The following RYR1 variants were observed in gnomAD, a reference collection of about 807,000 sequenced individuals.
RYR1 encodes the protein central core disease of muscle.
In RYR1, 342 loss-of-function variants were observed where a neutral mutation model predicts 583.5. The ratio of observed to expected loss-of-function variants is 0.59; its 90% CI spans 0.54 to 0.64. RYR1 has a LOEUF of 0.64. RYR1 is among the 30% of genes least tolerant of loss of function. RYR1 has a pLI of 0.00. For missense variants in RYR1, 6,032 were observed against 6,917.2 expected (o/e 0.87, Z 4.54); for synonymous variants, 2,791 against 2,822.5 (o/e 0.99, Z 0.35).
At chr19:38,466,996 C>T (rs941019453) in intron 24 of RYR1, among the ~76,000 whole-genome samples, 12 of 152,144 alleles carry the variant, frequency 7.9e-5, no homozygotes, top group African/African-American at 2.7e-4. Flanking sequence ...TGAGTGCCAA[C>T]CCCACCTTTG....
At position 38,568,199 on chromosome 19, in the gene RYR1, C is replaced by T. The variant is rs1022621918; in HGVS notation, c.13659+282C>T. 3.9e-5 allele frequency among the ~76,000 whole-genome samples: 6 copies of T among 152,348 alleles called. No individual in the cohort carries two copies. The East Asian group carries it at 5.8e-4, about 15-fold the overall frequency. On this transcript the variant is annotated intron_variant, in intron 93 of 105. Coordinates refer to ENST00000359596, the MANE Select transcript of RYR1 (RefSeq NM_000540.3). ...ACCCACCCACACTTCCACCTCCATC[C>T]TCTGTCCAGAGCTACATTCAGTGAG...
intron 63 of RYR1, 73 bp from the exon 64 acceptor site, chr19:38,514,953 A>T: frequency 9.9e-7 from 1 of 1,005,880 alleles, no homozygotes; most frequent in Non-Finnish European, 1.6e-6. Context: ...GGCCTATTTG[A>T]GACAAGGGAG....
chr19:38,454,299 C>G (rs758397856), intron 13 of RYR1, among the ~76,000 whole-genome samples: 1 of 152,258 alleles, frequency 6.6e-6, no homozygotes, highest in South Asian at 2.1e-4. Context: ...CTCCACCTCC[C>G]AAAGAGCTGG....
In RYR1 at chr19:38,448,421, C is replaced by T. The variant is rs1966900746; in HGVS notation, c.867C>T (p.Tyr289=). 3 of 1,613,354 alleles carry T rather than the reference C, an allele frequency of 1.9e-6. No individual in the cohort carries two copies. The highest frequency in any genetic ancestry group is 1.7e-5 in the Admixed American group (1 of 60,004). Residue 289 remains tyrosine, a synonymous_variant, in exon 10 of 106, where the codon TAC becomes TAT. Transcript: ENST00000359596. ...TCCGGCATGTCACTACCGGGCAGTA[C>T]CTAGCGCTCACCGAGGACCAGGGCC... ...LRVRHVTTGQ[Y]LALTEDQGLV...
At position 38,525,331 on chromosome 19, in the gene RYR1, G is replaced by A; in HGVS notation, c.10456-1G>A. 6.2e-7 allele frequency: 1 copy of A among 1,613,982 alleles called. No homozygotes were observed. The highest frequency in any genetic ancestry group is 1.3e-5 in the African/African-American group (1 of 74,994). ...TGGTGCTGAGCCCTGTGTCCCCACA[G>A]TCCGGTGGCTCGGACCAGGAACGCA... On this transcript the variant is annotated splice_acceptor_variant, in intron 70 of 105. Transcript: ENST00000359596. LOFTEE classifies it high-confidence loss of function.
Position 38,460,567 on chromosome 19 carries a change from G to A in RYR1, c.2553G>A (p.Val851=). The change falls in exon 20 of 106, where the codon GTG becomes GTA. Residue 851 remains valine, a synonymous_variant. Transcript: ENST00000359596. ...PSRCLSHTDF[V]PCPVDTVQIV... is the part of the protein sequence containing the mutation. ...GCTGCCTCTCACACACCGACTTCGT[G>A]CCCTGCCCTGTGGACACTGTCCAGG... is the stretch of plus-strand genomic sequence containing the variant. 1 of 1,612,888 alleles carries A rather than the reference G, an allele frequency of 6.2e-7. No homozygotes were observed. The highest frequency in any genetic ancestry group is 8.5e-7 in the Non-Finnish European group (1 of 1,180,036).
intron 39 of RYR1, 70 bp downstream of exon 39, chr19:38,494,695 C>G (rs1032911737): frequency 1.2e-5 from 19 of 1,586,854 alleles, no homozygotes; most frequent in Non-Finnish European, 1.5e-5. Context: ...GATACAATAA[C>G]ATTCCCTTCC....
At position 38,458,301 on chromosome 19, in the gene RYR1, C is replaced by T. The variant is rs573737900; in HGVS notation, c.2167+9C>T. 3.2e-5 allele frequency: 52 copies of T among 1,613,178 alleles called. No homozygotes were observed. In the East Asian group the frequency reaches 9.8e-4, roughly 30 times the overall value. On this transcript the variant is annotated intron_variant, in intron 18 of 105. Transcript: ENST00000359596. ...ACTGCATCTCTGGACAGGTACCTGA[C>T]CCCTTCCAGGGGACCCTCACCCCTG...
chr19:38,473,719 G>T lies in RYR1; in HGVS notation c.4108G>T (p.Ala1370Ser), dbSNP rs766147636. The T allele has an allele frequency of 1.3e-6, 2 of 1,547,656 alleles. No homozygotes were observed. Among genetic ancestry groups the T allele is most frequent in the South Asian group, 2.4e-5 (2 of 83,940 alleles). ...GCAGGCGGGGGGAGAGGCGCAGCCC[G>T]CCAGGGCGGAGAATGAGAAGGATGC... ...TPQAGGEAQP[A>S]RAENEKDATT... The change falls in exon 28 of 106, where the codon GCC becomes TCC. Residue 1370 changes from alanine (A) to serine (S), a missense_variant. By Grantham distance (99) the Ala-to-Ser change is moderately conservative (BLOSUM62 1). This residue lies in a region of RYR1 where 2,627 missense variants were observed against 2,961.3 expected (regional missense o/e 0.89). Transcript: ENST00000359596.
In RYR1 at chr19:38,441,270, G is replaced by A. The variant is rs115318608; in HGVS notation, c.165+406G>A. Among the ~76,000 whole-genome samples the A allele has an allele frequency of 7.3e-3, 1,096 of 150,954 alleles. 14 individuals carry two copies. Among genetic ancestry groups the A allele is most frequent in the African/African-American group, 0.025 (1,030 of 40,924 alleles). On this transcript the variant is annotated intron_variant, in intron 2 of 105. Transcript: ENST00000359596. Reference sequence around the variant, plus strand: ...CTGAGGGACGGCTGGGGCGTGGGGAGGGGGGGTAGGGAGGGACGAGGCAAA... The same window carrying A: ...CTGAGGGACGGCTGGGGCGTGGGGAAGGGGGGTAGGGAGGGACGAGGCAAA...
chr19:38,584,865 C>T, intron 101 of RYR1, 78 bp from the exon 102 acceptor site: 1 of 1,569,230 alleles, frequency 6.4e-7, no homozygotes, highest in Non-Finnish European at 8.7e-7. Flanking sequence ...ATGTCTTCAG[C>T]CCTGCCTATC....
chr19:38,584,189 C>T (rs547889449), intron 101 of RYR1, among the ~76,000 whole-genome samples: 2 of 151,654 alleles, frequency 1.3e-5, no homozygotes, highest in Non-Finnish European at 2.9e-5. Context: ...CCTGGTCACA[C>T]TGTGCCTCCC....
chr19:38,444,909 A>T lies in RYR1; in HGVS notation c.631+232A>T, dbSNP rs1972866295. On this transcript the variant is annotated intron_variant, in intron 7 of 105. Coordinates refer to ENST00000359596, the MANE Select transcript of RYR1 (RefSeq NM_000540.3). This position sits in a 1 kb window ranked among gnomAD's most constrained non-coding sequence, Gnocchi z 5.1. ...GGCTCCCAAACTTAGACCCCAAAGT[A>T]TTAGCCCCCAAGGCTCCTAAACTCA... Among the ~76,000 whole-genome samples the T allele has an allele frequency of 1.3e-5, 2 of 151,086 alleles. No individual in the cohort carries two copies. The highest frequency in any genetic ancestry group is 1.3e-4 in the Admixed American group (2 of 15,182).
rs1173207771 is a variant in RYR1, at chr19:38,561,270, C to G, written c.12440C>G (p.Thr4147Ser). Residue 4147 changes from threonine to serine, a missense_variant, in exon 90 of 106, where the codon ACC becomes AGC. Physicochemically the swap from Thr to Ser is moderately conservative, Grantham distance 58. Coordinates refer to ENST00000359596, the MANE Select transcript of RYR1 (RefSeq NM_000540.3). The surrounding 1 kb of genome is among the most constrained non-coding windows in gnomAD (Gnocchi z 4.8). ...DIGFNVAVLL[T>S]NLSEHVPHDP... ...GGCTTCAACGTGGCGGTGCTGCTGA[C>G]CAACCTGTCGGAGCATGTGCCGCAT... The G allele has an allele frequency of 2.5e-6, 4 of 1,614,078 alleles. No individual in the cohort carries two copies. In the Admixed American group the frequency reaches 6.7e-5, roughly 27 times the overall value.
At chr19:38,515,173 G>A in intron 64 of RYR1, 66 bp downstream of exon 64, 1 of 1,127,464 alleles carries the variant, frequency 8.9e-7, no homozygotes, top group South Asian at 1.3e-5. Context: ...AGCAGGGGAA[G>A]AAGATGGGGT....
intron 9 of RYR1, among the ~76,000 whole-genome samples, chr19:38,447,886 T>A (rs1467711480): frequency 1.4e-5 from 2 of 145,794 alleles, no homozygotes; most frequent in Non-Finnish European, 3.0e-5. Context: ...AAAAATGAAG[T>A]CTCTCTGGAG....
Position 38,543,267 on chromosome 19 carries a change from G to A in RYR1, c.11690-80G>A. On this transcript the variant is annotated intron_variant, in intron 84 of 105. Coordinates refer to ENST00000359596, the MANE Select transcript of RYR1 (RefSeq NM_000540.3). The surrounding 1 kb of genome is among the most constrained non-coding windows in gnomAD (Gnocchi z 4.4). ...AATAGGAACTCAACACATGAGTATT[G>A]CATAAATGAATAAATGACCCACTGT... 1 of 1,204,362 alleles carries A rather than the reference G, an allele frequency of 8.3e-7. No individual in the cohort carries two copies. Among genetic ancestry groups the A allele is most frequent in the Non-Finnish European group, 1.2e-6 (1 of 806,844 alleles). 74.6% of individuals were successfully genotyped at this position (1,204,362 alleles called of 1,614,324 possible). A position where few individuals can be genotyped will look rare whatever the true frequency, so the allele number is the denominator to read the frequency against.
In RYR1 at chr19:38,526,996, GAC is replaced by G; in HGVS notation, c.10634_10635del (p.Thr3545ArgfsTer2). On this transcript the variant is annotated frameshift_variant, in exon 72 of 106. Coordinates refer to ENST00000359596, the MANE Select transcript of RYR1 (RefSeq NM_000540.3). LOFTEE classifies it high-confidence loss of function. Reference protein sequence around the residue: ...TLAKTRYALKDTDEEVREFLH... With the variant: ...TLAKTRYALKXTDEEVREFLH... ...CAGCCTGGCTCTGTCTCCCCAGAAA[GAC>G]ACAGATGAGGAGGTCCGGGAATTTC... is the stretch of plus-strand genomic sequence containing the variant. The G allele has an allele frequency of 6.2e-7, 1 of 1,613,902 alleles. No individual in the cohort carries two copies.
Position 38,499,980 on chromosome 19 carries a change from G to A in RYR1, c.7287G>A (p.Leu2429=). Residue 2429 remains leucine, a synonymous_variant, in exon 45 of 106, where the codon TTG becomes TTA. Coordinates refer to ENST00000359596, the MANE Select transcript of RYR1 (RefSeq NM_000540.3). This position sits in a 1 kb window ranked among gnomAD's most constrained non-coding sequence, Gnocchi z 7.3. ...GHAIMSFYAA[L]IDLLGRCAPE... ...CCATCATGTCCTTCTATGCCGCCTT[G>A]ATCGACCTGCTCGGACGCTGTGCAC... The A allele has an allele frequency of 6.2e-7, 1 of 1,614,146 alleles. No homozygotes were observed. The highest frequency in any genetic ancestry group is 8.5e-7 in the Non-Finnish European group (1 of 1,179,998).
Sources: gnomAD v4.1 joint callset for allele counts (sites outside exome capture counted in the v4.1 genomes callset) on GRCh38, gnomAD v4.1.1 for gene constraint, gnomAD v4.1.1 regional missense constraint, Gnocchi (gnomAD v3.1) non-coding constraint, MANE v1.5 for transcripts, NCBI Gene and HGNC (gene_info 2026-07-23, HGNC 2026-07-21) for gene names.